Variants in DACH2 observed in about 807,000 individuals in gnomAD.
DACH2 encodes dachshund family transcription factor 2, also known as dachshund homolog 2.
In DACH2, 17 loss-of-function variants were observed where a neutral mutation model predicts 35.8. The ratio of observed to expected loss-of-function variants is 0.48; its 90% CI spans 0.33 to 0.71. The LOEUF (loss-of-function observed/expected upper bound fraction) is 0.71. Among genes scored for constraint, DACH2 ranks in the 30% least tolerant of loss-of-function variants. The pLI is 0.02. For synonymous variants in DACH2, 195 were observed against 177.3 expected, an observed-to-expected ratio of 1.10 and a Z score of -0.79; for missense variants, 469 against 472.7, an observed-to-expected ratio of 0.99 and a Z score of 0.07.
intron 2 of DACH2, among the ~76,000 whole-genome samples, chrX:86,437,823 GT>G (rs911005783): frequency 3.2e-4 from 32 of 98,607 alleles, no homozygotes; most frequent in Middle Eastern, 5.3e-3. Context: ...AGTTTTTTTA[GT>G]TTTTTTTTTT....
chrX:86,755,771 G>A (rs1022812096), intron 7 of DACH2, among the ~76,000 whole-genome samples: 2 of 108,247 alleles, frequency 1.8e-5, no homozygotes, highest in East Asian at 5.9e-4. Flanking sequence ...CTAATTTTTT[G>A]TATTTTTAGT....
chrX:86,548,135 G>T (rs2039000573), intron 3 of DACH2, among the ~76,000 whole-genome samples: 1 of 111,372 alleles, frequency 9.0e-6, no homozygotes, highest in African/African-American at 3.3e-5. Flanking sequence ...CATTTATTAT[G>T]CTTATTTCAG....
chrX:86,271,530 C>T (rs777812822), intron 1 of DACH2, among the ~76,000 whole-genome samples: 2 of 111,456 alleles, frequency 1.8e-5, no homozygotes, highest in South Asian at 3.7e-4. Context: ...GAATCTGAGA[C>T]GTGAAAGATG....
chrX:86,544,233 A>G (rs868851003), intron 3 of DACH2, among the ~76,000 whole-genome samples: 20 of 111,594 alleles, frequency 1.8e-4, no homozygotes, highest in African/African-American at 6.5e-4. Context: ...GATATTGTGT[A>G]TGAAAATTTC....
intron 2 of DACH2, among the ~76,000 whole-genome samples, chrX:86,450,949 C>A (rs1211019754): frequency 1.8e-5 from 2 of 110,584 alleles, no homozygotes; most frequent in African/African-American, 6.6e-5. Context: ...GTTTAAGTTT[C>A]TTGTAGACTC....
chrX:86,791,292 C>G (rs1447458482), intron 7 of DACH2, among the ~76,000 whole-genome samples: 2 of 111,649 alleles, frequency 1.8e-5, no homozygotes, highest in African/African-American at 6.5e-5. Context: ...CTAGTTCACA[C>G]TAAGCATAGA....
chrX:86,804,345 C>T (rs2042322695), intron 7 of DACH2, among the ~76,000 whole-genome samples: 1 of 111,399 alleles, frequency 9.0e-6, no homozygotes, highest in South Asian at 3.8e-4. Flanking sequence ...GAGAACCGCA[C>T]CAGGAGATGG....
chrX:86,489,707 C>A (rs748710873), intron 2 of DACH2, among the ~76,000 whole-genome samples: 1 of 111,287 alleles, frequency 9.0e-6, no homozygotes, highest in Non-Finnish European at 1.9e-5. Context: ...TAGTCTAAAC[C>A]GCGTTCACTG....
At chrX:86,623,183 C>T (rs12008380) in intron 3 of DACH2, among the ~76,000 whole-genome samples, 2,906 of 111,491 alleles carry the variant, frequency 0.026, 114 homozygotes, top group African/African-American at 0.09. Context: ...TATGTGTAGA[C>T]ATAATTATAA....
chrX:86,414,945 A>C (rs1369832271), intron 2 of DACH2, among the ~76,000 whole-genome samples: 1 of 111,435 alleles, frequency 9.0e-6, no homozygotes, highest in Non-Finnish European at 1.9e-5. Context: ...CTCAAATGTT[A>C]ATCCTTCTTT....
Position 86,231,053 on chromosome X carries a change from CA to C in DACH2, c.488+81946del, listed in dbSNP as rs745504299. ...TGGGTTTGGTTTGTTCTTGTTTCTCCAGTTCTTTGAGGCATGACCTTAGATT... is the reference window on the plus strand; with the variant it reads ...TGGGTTTGGTTTGTTCTTGTTTCTCCGTTCTTTGAGGCATGACCTTAGATT... On this transcript the variant is annotated intron_variant, in intron 1 of 11. Transcript: ENST00000373125. Among the ~76,000 whole-genome samples, 42 of 111,862 alleles carry C rather than the reference CA, an allele frequency of 3.8e-4. No individual in the cohort carries two copies. The East Asian group carries it at 0.011, about 29-fold the overall frequency.
intron 1 of DACH2, among the ~76,000 whole-genome samples, chrX:86,336,077 C>A (rs1476042652): frequency 8.9e-6 from 1 of 111,761 alleles, no homozygotes; most frequent in African/African-American, 3.3e-5. Context: ...TTTGAACCAG[C>A]CTTGCTTCCC....
At chrX:86,214,152 T>C (rs3859946) in intron 1 of DACH2, among the ~76,000 whole-genome samples, 8,502 of 111,216 alleles carry the variant, frequency 0.076, 807 homozygotes, top group African/African-American at 0.26. Context: ...TTCTAAGTGT[T>C]TCAGTTTCTT....
chrX:86,562,084 A>T (rs952267387), intron 3 of DACH2, among the ~76,000 whole-genome samples: 29 of 109,537 alleles, frequency 2.6e-4, no homozygotes, highest in Non-Finnish European at 5.3e-4. Context: ...CCACCAACAC[A>T]TACTTCTTTT....
intron 3 of DACH2, among the ~76,000 whole-genome samples, chrX:86,603,968 A>G (rs187460322): frequency 6.3e-5 from 7 of 111,140 alleles, no homozygotes; most frequent in Non-Finnish European, 1.3e-4. Flanking sequence ...TTTTTCTCTT[A>G]TCAGTTTCTA....
chrX:86,776,648 T>C (rs1419254495), intron 7 of DACH2, among the ~76,000 whole-genome samples: 2 of 111,201 alleles, frequency 1.8e-5, no homozygotes, highest in Non-Finnish European at 3.8e-5. Context: ...GCAGGTTTGT[T>C]ACATATGTAT....
intron 6 of DACH2, among the ~76,000 whole-genome samples, chrX:86,736,196 G>A (rs1301872789): frequency 1.8e-5 from 2 of 110,859 alleles, no homozygotes; most frequent in Non-Finnish European, 3.8e-5. Flanking sequence ...ATCAATGTAC[G>A]ACACTGCATT....
chrX:86,756,066 G>A lies in DACH2; in HGVS notation c.1240+16184G>A, dbSNP rs191494830. 5.4e-5 allele frequency among the ~76,000 whole-genome samples: 6 copies of A among 110,738 alleles called. No homozygotes were observed. The East Asian group carries it at 1.4e-3, about 26-fold the overall frequency. On this transcript the variant is annotated intron_variant, in intron 7 of 11. Coordinates refer to ENST00000373125, the MANE Select transcript of DACH2 (RefSeq NM_053281.3). ...GCTATAAATGGGTGGATTTATTTTTGGATTCTCTATTCTGTTCCAGTGGTC... is the reference window on the plus strand; with the variant it reads ...GCTATAAATGGGTGGATTTATTTTTAGATTCTCTATTCTGTTCCAGTGGTC...
chrX:86,443,053 T>C (rs944414158), intron 2 of DACH2, among the ~76,000 whole-genome samples: 3 of 111,983 alleles, frequency 2.7e-5, no homozygotes, highest in Admixed American at 9.6e-5. Context: ...GCTTTGGCTA[T>C]TTGGGGTCTT....
Sources: gnomAD v4.1 joint callset for allele counts (sites outside exome capture counted in the v4.1 genomes callset) on GRCh38, gnomAD v4.1.1 for gene constraint, MANE v1.5 for transcripts, NCBI Gene and HGNC (gene_info 2026-07-23, HGNC 2026-07-21) for gene names.